The following ARHGEF11 variants were observed in gnomAD, a reference collection of about 807,000 sequenced individuals.
ARHGEF11 encodes Rho guanine exchange factor (GEF) 11.
A neutral mutation model predicts 193.7 loss-of-function variants in ARHGEF11; 55 were observed. The ratio of observed to expected loss-of-function variants is 0.28; its 90% CI spans 0.23 to 0.36. The LOEUF (loss-of-function observed/expected upper bound fraction) is 0.36, where lower values mean the gene tolerates loss of function less well. Ranked by LOEUF, ARHGEF11 falls within the 10% of genes least tolerant of loss-of-function variation. The pLI is 1.00. For synonymous variants in ARHGEF11, 693 were observed against 768.0 expected, an observed-to-expected ratio of 0.90 and a Z score of 1.62; for missense variants, 1,723 against 2,005.6, an observed-to-expected ratio of 0.86 and a Z score of 2.69.
At position 156,968,017 on chromosome 1, in the gene ARHGEF11, C is replaced by T. The variant is rs765060422; in HGVS notation, c.933G>A (p.Ser311=). 2.4e-5 allele frequency: 39 copies of T among 1,614,104 alleles called. 1 individual carries two copies. The South Asian group carries it at 2.7e-4, about 11-fold the overall frequency. The change falls in exon 11 of 41, where the codon TCG becomes TCA. Residue 311 remains serine (S), a synonymous_variant. Transcript: ENST00000368194. ...RVAQHHRRQG[S]DAAVPSTGDQ... ...CACCGGTTGAGGGGACTGCTGCATC[C>T]GAGCCCTGCCGCCTGTGGTGCTGGG...
At chr1:156,989,294 T>G (rs1665385255) in intron 1 of ARHGEF11, among the ~76,000 whole-genome samples, 1 of 152,060 alleles carries the variant, frequency 6.6e-6, no homozygotes, top group South Asian at 2.1e-4. Flanking sequence ...GCTCCTTTCT[T>G]TACATAATCA....
intron 1 of ARHGEF11, among the ~76,000 whole-genome samples, chr1:156,994,301 C>G (rs1370167768): frequency 6.6e-6 from 1 of 151,754 alleles, no homozygotes; most frequent in East Asian, 1.9e-4. Context: ...TACGTCCTTT[C>G]TTTCTTCCAG....
At position 156,946,894 on chromosome 1, in the gene ARHGEF11, C is replaced by A. The variant is rs778499258; in HGVS notation, c.2568+42G>T. The A allele has an allele frequency of 5.0e-6, 8 of 1,613,468 alleles. No individual in the cohort carries two copies. In the African/African-American group the frequency reaches 6.7e-5, roughly 13 times the overall value. On this transcript the variant is annotated intron_variant, in intron 27 of 40. Transcript: ENST00000368194. ...CTTGGGTAATGAGACCCTGCCTCCC[C>A]CAATCTCCTCCTTGCCAAGAGGGAG...
rs372931764 is a variant in ARHGEF11, at chr1:156,947,456, C to T, written c.2342-6G>A. 3.0e-5 allele frequency: 48 copies of T among 1,590,174 alleles called. No individual in the cohort carries two copies. In the Middle Eastern group the frequency reaches 6.8e-4, roughly 22 times the overall value. ...AGCTTCAGTCACAAACAGCTCTGAG[C>T]GGTGGTTGTGACAAGGAGGGTAGAA... On this transcript the variant is annotated splice_polypyrimidine_tract_variant and splice_region_variant and intron_variant, in intron 25 of 40. Coordinates refer to ENST00000368194, the MANE Select transcript of ARHGEF11 (RefSeq NM_198236.3).
In ARHGEF11 at chr1:156,978,252, AGGAGGTGGT is replaced by A; in HGVS notation, c.453_461del (p.Pro154_Pro156del). ...TGCGTTGTGGAGGTGGTAGAGGTGG[AGGAGGTGGT>A]GGTGAGGGGATCACTGACGTGATTC... On this transcript the variant is annotated inframe_deletion, in exon 6 of 41. Coordinates refer to ENST00000368194, the MANE Select transcript of ARHGEF11 (RefSeq NM_198236.3). 1.2e-6 allele frequency: 2 copies of A among 1,614,068 alleles called. No individual in the cohort carries two copies. Among genetic ancestry groups the A allele is most frequent in the Non-Finnish European group, 1.7e-6 (2 of 1,179,972 alleles).
chr1:157,004,279 C>T (rs548978097), intron 1 of ARHGEF11, among the ~76,000 whole-genome samples: 2 of 152,320 alleles, frequency 1.3e-5, no homozygotes, highest in African/African-American at 2.4e-5. Flanking sequence ...CTATCCTAAT[C>T]GCTCCTTTTG....
chr1:156,994,623 G>A (rs1436379879), intron 1 of ARHGEF11, among the ~76,000 whole-genome samples: 3 of 152,164 alleles, frequency 2.0e-5, no homozygotes, highest in Non-Finnish European at 4.4e-5. Flanking sequence ...AGGTGTGTGT[G>A]GAGAAGGGAG....
At chr1:156,961,814 C>A (rs1308733627) in intron 13 of ARHGEF11, 39 bp from the exon 14 acceptor site, 2 of 1,585,118 alleles carry the variant, frequency 1.3e-6, no homozygotes, top group Non-Finnish European at 8.7e-7. Flanking sequence ...AGTGGTTCTC[C>A]CCCAGCAGTG....
At chr1:156,959,191 G>T in intron 15 of ARHGEF11, 49 bp from the exon 16 acceptor site, 1 of 1,532,376 alleles carries the variant, frequency 6.5e-7, no homozygotes, top group Non-Finnish European at 9.0e-7. Flanking sequence ...ACTGGGGGTG[G>T]AGGGGGATCC....
At chr1:157,046,631 T>C (rs991751373), upstream of ARHGEF11, among the ~76,000 whole-genome samples, 8 of 152,232 alleles carry the variant, frequency 5.3e-5, no homozygotes, top group South Asian at 4.1e-4. Flanking sequence ...GCAGGCTGTG[T>C]GAAGTGTCTT....
chr1:157,014,088 C>T (rs1668900202), intron 1 of ARHGEF11, among the ~76,000 whole-genome samples: 1 of 152,222 alleles, frequency 6.6e-6, no homozygotes, highest in African/African-American at 2.4e-5. Flanking sequence ...TGCCTCCAAT[C>T]ACGGTTTTAT....
At chr1:157,039,588 C>T (rs560361391) in intron 1 of ARHGEF11, among the ~76,000 whole-genome samples, 4 of 152,154 alleles carry the variant, frequency 2.6e-5, no homozygotes, top group African/African-American at 4.8e-5. Context: ...TTGCATGCCA[C>T]TAGCAGGTGT....
intron 1 of ARHGEF11, among the ~76,000 whole-genome samples, chr1:157,019,809 T>G (rs2102890021): frequency 6.6e-6 from 1 of 152,312 alleles, no homozygotes; most frequent in South Asian, 2.1e-4. Context: ...AAATGTGAAC[T>G]GATCTACTGT....
At chr1:156,999,434 T>G (rs978447579) in intron 1 of ARHGEF11, among the ~76,000 whole-genome samples, 1 of 152,030 alleles carries the variant, frequency 6.6e-6, no homozygotes, top group Non-Finnish European at 1.5e-5. Context: ...TTCTTAATTC[T>G]GCTTGATTCT....
At position 156,978,257 on chromosome 1, in the gene ARHGEF11, G is replaced by A; in HGVS notation, c.457C>T (p.Pro153Ser). ...TGTGGAGGTGGTAGAGGTGGAGGAG[G>A]TGGTGGTGAGGGGATCACTGACGTG... ...RITSVIPSPP[P>S]PPPLPPPQRI... The change falls in exon 6 of 41, where the codon CCT becomes TCT. Residue 153 changes from proline to serine, a missense_variant. By Grantham distance (74) the Pro-to-Ser change is moderately conservative (BLOSUM62 -1). Coordinates refer to ENST00000368194, the MANE Select transcript of ARHGEF11 (RefSeq NM_198236.3). The A allele has an allele frequency of 1.2e-6, 2 of 1,614,186 alleles. No individual in the cohort carries two copies. Among genetic ancestry groups the A allele is most frequent in the African/African-American group, 2.7e-5 (2 of 75,052 alleles).
intron 14 of ARHGEF11, 115 bp from the exon 15 acceptor site, chr1:156,960,575 T>C: frequency 1.1e-6 from 1 of 874,430 alleles, no homozygotes; most frequent in Non-Finnish European, 1.8e-6. Context: ...TTCGCCTACA[T>C]CTGCCTACCA....
At chr1:157,018,510 T>C (rs958550381) in intron 1 of ARHGEF11, among the ~76,000 whole-genome samples, 4 of 151,942 alleles carry the variant, frequency 2.6e-5, no homozygotes, top group South Asian at 2.1e-4. Context: ...CTGGGCGTGG[T>C]GTCGGGCGCC....
chr1:156,975,582 G>A (rs1303521601), intron 7 of ARHGEF11, among the ~76,000 whole-genome samples: 1 of 151,954 alleles, frequency 6.6e-6, no homozygotes, highest in Non-Finnish European at 1.5e-5. Flanking sequence ...TTTTTTGGGG[G>A]GAGGTTATGC....
intron 1 of ARHGEF11, among the ~76,000 whole-genome samples, chr1:157,027,487 A>T (rs1670791939): frequency 6.6e-6 from 1 of 152,104 alleles, no homozygotes; most frequent in Non-Finnish European, 1.5e-5. Flanking sequence ...ATCAAAAGGG[A>T]CCTACATGGT....
Sources: allele counts gnomAD v4.1 joint callset (sites outside exome capture counted in the v4.1 genomes callset), GRCh38; gene constraint gnomAD v4.1.1; transcripts MANE v1.5; gene names NCBI Gene and HGNC (gene_info 2026-07-23, HGNC 2026-07-21).